The following ORAI2 variants were observed in gnomAD, a reference collection of about 807,000 sequenced individuals.
The protein encoded by ORAI2 is protein orai-2.
A neutral mutation model predicts 16.2 loss-of-function variants in ORAI2; 10 were observed. The ratio of observed to expected loss-of-function variants is 0.62; its 90% CI spans 0.38 to 1.04. ORAI2 has a LOEUF of 1.04. Ranked by LOEUF, ORAI2 falls within the 50% of genes least tolerant of loss-of-function variation. ORAI2 has a pLI of 0.01. For missense variants in ORAI2, 238 were observed against 355.5 expected (o/e 0.67, Z 2.66); for synonymous variants, 150 against 157.5 (o/e 0.95, Z 0.35).
intron 3 of ORAI2, among the ~76,000 whole-genome samples, chr7:102,441,290 C>G (rs1397354604): frequency 6.6e-6 from 1 of 150,838 alleles, no homozygotes; most frequent in African/African-American, 2.4e-5. Context: ...GCCTGTAATC[C>G]CAGCACTTTG....
intron 2 of ORAI2, among the ~76,000 whole-genome samples, chr7:102,436,579 T>A (rs946966520): frequency 6.6e-6 from 1 of 152,094 alleles, no homozygotes; most frequent in Non-Finnish European, 1.5e-5. Flanking sequence ...CACTCCCCAC[T>A]CCACCCGTCC....
chr7:102,440,190 A>AAAGTTTGGAACTCTCAGGGATCTC (rs1797158595), intron 3 of ORAI2, among the ~76,000 whole-genome samples: 2 of 152,316 alleles, frequency 1.3e-5, no homozygotes, highest in Non-Finnish European at 1.5e-5. Context: ...GCACCACCCA[A>AAAGTTTGGAACTCTCAGGGATCTC]AAGTTTGGAA....
At chr7:102,440,396 G>C (rs1797165787) in intron 3 of ORAI2, among the ~76,000 whole-genome samples, 1 of 152,228 alleles carries the variant, frequency 6.6e-6, no homozygotes, top group South Asian at 2.1e-4. Flanking sequence ...CTGCGGCTCT[G>C]ACAAGGGGCC....
rs1356713410 is a variant in ORAI2, at chr7:102,436,233, C to T, written c.-114C>T. ...TCTGAATTCTCCCCAAGGGAAGGAACGTCCCAGGGATGGAAGTGCTTGGAT... is the reference window on the plus strand; with the variant it reads ...TCTGAATTCTCCCCAAGGGAAGGAATGTCCCAGGGATGGAAGTGCTTGGAT... On this transcript the variant is annotated 5_prime_UTR_variant, in exon 2 of 4. It adds an upstream start codon to the 5' untranslated region. Coordinates refer to ENST00000495936, the MANE Select transcript of ORAI2 (RefSeq NM_001126340.3). 8.4e-6 allele frequency: 7 copies of T among 832,550 alleles called. No homozygotes were observed. Among genetic ancestry groups the T allele is most frequent in the African/African-American group, 1.8e-5 (1 of 54,230 alleles). 51.6% of individuals were successfully genotyped at this position (832,550 alleles called of 1,614,324 possible). A position where few individuals can be genotyped will look rare whatever the true frequency, so the allele number is the denominator to read the frequency against.
At chr7:102,446,435 TCTGC>T in intron 3 of ORAI2, 74 bp from the exon 4 acceptor site, 1 of 1,453,926 alleles carries the variant, frequency 6.9e-7, no homozygotes, top group South Asian at 1.3e-5. Context: ...CAGCCCCTGC[TCTGC>T]CTGGCAGGTG....
Position 102,447,058 on chromosome 7 carries a change from C to G in ORAI2, c.*6C>G. On this transcript the variant is annotated 3_prime_UTR_variant, in exon 4 of 4. Transcript: ENST00000495936. ...GCAGCCTGCAGGTCTTGTGAGGGGCCGAGGGCCGGGGCTGGGAGCGGCCCT... is the reference window on the plus strand; with the variant it reads ...GCAGCCTGCAGGTCTTGTGAGGGGCGGAGGGCCGGGGCTGGGAGCGGCCCT... 3 of 1,524,940 alleles carry G rather than the reference C, an allele frequency of 2.0e-6. No individual in the cohort carries two copies. Among genetic ancestry groups the G allele is most frequent in the Non-Finnish European group, 2.6e-6 (3 of 1,139,138 alleles). The allele number at this position is 1,524,940 out of a possible 1,614,324, so 94.5% of individuals were successfully genotyped here.
At position 102,454,792 on chromosome 7, in the gene ORAI2, T is replaced by C. The variant is rs774086685; in HGVS notation, c.*7740T>C. The stretch of plus-strand genomic sequence containing the variant: ...GGGCAGCCTGGTCTGCTGAGGAAAG[T>C]GTCTGATGGATGCGGAAATGGCCAC... On this transcript the variant is annotated 3_prime_UTR_variant, in exon 4 of 4. Transcript: ENST00000495936. 9 of 152,428 alleles carry C rather than the reference T, an allele frequency of 5.9e-5. No individual in the cohort carries two copies. The highest frequency in any genetic ancestry group is 8.8e-5 in the Non-Finnish European group (6 of 68,118). The allele number at this position is 152,428 out of a possible 1,614,324, so 9.4% of individuals were successfully genotyped here. A position where few individuals can be genotyped will look rare whatever the true frequency, so the allele number is the denominator to read the frequency against.
chr7:102,447,060 A>T lies in ORAI2; in HGVS notation c.*8A>T. On this transcript the variant is annotated 3_prime_UTR_variant, in exon 4 of 4. Transcript: ENST00000495936. ...AGCCTGCAGGTCTTGTGAGGGGCCG[A>T]GGGCCGGGGCTGGGAGCGGCCCTGT... The T allele has an allele frequency of 6.6e-7, 1 of 1,524,004 alleles. No individual in the cohort carries two copies. Among genetic ancestry groups the T allele is most frequent in the Non-Finnish European group, 8.8e-7 (1 of 1,138,758 alleles). 94.4% of individuals were successfully genotyped at this position (1,524,004 alleles called of 1,614,324 possible). A position where few individuals can be genotyped will look rare whatever the true frequency, so the allele number is the denominator to read the frequency against.
chr7:102,437,019 T>C (rs1245599009), intron 2 of ORAI2, among the ~76,000 whole-genome samples: 1 of 152,226 alleles, frequency 6.6e-6, no homozygotes, highest in Admixed American at 6.5e-5. Flanking sequence ...TCCTGGCGTG[T>C]GGCCGAGCAG....
In ORAI2 at chr7:102,453,692, C is replaced by T. The variant is rs1797581370; in HGVS notation, c.*6640C>T. ...TCAAGGGCAGGACACAAGTCACTGGCATTGAAGGACCCACTCCACACCCAG... is the reference window on the plus strand; with the variant it reads ...TCAAGGGCAGGACACAAGTCACTGGTATTGAAGGACCCACTCCACACCCAG... On this transcript the variant is annotated 3_prime_UTR_variant, in exon 4 of 4. Transcript: ENST00000495936. 1 of 152,184 alleles carries T rather than the reference C, an allele frequency of 6.6e-6. No individual in the cohort carries two copies. Among genetic ancestry groups the T allele is most frequent in the Admixed American group, 6.5e-5 (1 of 15,282 alleles). 9.4% of individuals were successfully genotyped at this position (152,184 alleles called of 1,614,324 possible). A position where few individuals can be genotyped will look rare whatever the true frequency, so the allele number is the denominator to read the frequency against.
intron 2 of ORAI2, among the ~76,000 whole-genome samples, chr7:102,438,022 C>T (rs1041253111): frequency 6.6e-6 from 1 of 152,102 alleles, no homozygotes; most frequent in Non-Finnish European, 1.5e-5. Flanking sequence ...GCACTCCAGC[C>T]TGGGCAACAG....
Position 102,443,769 on chromosome 7 carries a change from C to T in ORAI2, c.226-2744C>T, listed in dbSNP as rs150085477. Reference sequence around the variant, plus strand: ...TCTCCCAGGCTGGAGCACAATGGCACGATCTTGGCTCACTGCAACCTTTGC... The same window carrying T: ...TCTCCCAGGCTGGAGCACAATGGCATGATCTTGGCTCACTGCAACCTTTGC... On this transcript the variant is annotated intron_variant, in intron 3 of 3. Coordinates refer to ENST00000495936, the MANE Select transcript of ORAI2 (RefSeq NM_001126340.3). 2.6e-3 allele frequency among the ~76,000 whole-genome samples: 397 copies of T among 151,990 alleles called. 1 individual carries two copies. The highest frequency in any genetic ancestry group is 9.3e-3 in the African/African-American group (384 of 41,458).
chr7:102,440,080 G>A (rs973736771), intron 3 of ORAI2, among the ~76,000 whole-genome samples: 19 of 152,034 alleles, frequency 1.2e-4, no homozygotes, highest in African/African-American at 4.1e-4. Context: ...ACTTTGTCTC[G>A]AAATAAATAG....
At chr7:102,445,492 C>T (rs1034414077) in intron 3 of ORAI2, among the ~76,000 whole-genome samples, 26 of 152,096 alleles carry the variant, frequency 1.7e-4, no homozygotes, top group African/African-American at 6.0e-4. Context: ...CTCTGTCACC[C>T]GGGCTGAAGT....
chr7:102,451,323 T>G lies in ORAI2; in HGVS notation c.*4271T>G, dbSNP rs3823657. ...ACATGCCAAGGCCCCTCCCACGTGGTACACCCTCTCCGTTTAGTACCTGAC... is the reference window on the plus strand; with the variant it reads ...ACATGCCAAGGCCCCTCCCACGTGGGACACCCTCTCCGTTTAGTACCTGAC... On this transcript the variant is annotated 3_prime_UTR_variant, in exon 4 of 4. Coordinates refer to ENST00000495936, the MANE Select transcript of ORAI2 (RefSeq NM_001126340.3). 0.12 allele frequency: 18,861 copies of G among 151,928 alleles called. 2,037 individuals are homozygous for G. The highest frequency in any genetic ancestry group is 0.42 in the East Asian group (2,160 of 5,134). 9.4% of individuals were successfully genotyped at this position (151,928 alleles called of 1,614,324 possible). A position where few individuals can be genotyped will look rare whatever the true frequency, so the allele number is the denominator to read the frequency against.
intron 3 of ORAI2, among the ~76,000 whole-genome samples, chr7:102,442,470 C>A (rs189933486): frequency 6.6e-6 from 1 of 152,142 alleles, no homozygotes; most frequent in Admixed American, 6.6e-5. Context: ...GGGCAGATCA[C>A]GAGGTCAGGA....
At position 102,454,245 on chromosome 7, in the gene ORAI2, T is replaced by C. The variant is rs932728169; in HGVS notation, c.*7193T>C. On this transcript the variant is annotated 3_prime_UTR_variant, in exon 4 of 4. Coordinates refer to ENST00000495936, the MANE Select transcript of ORAI2 (RefSeq NM_001126340.3). ...CCCTGTCTCTACAAAAATACAAAAA[T>C]TACCCGGGCTTGGTGGCTCGTGCCT... 7 of 151,828 alleles carry C rather than the reference T, an allele frequency of 4.6e-5. No homozygotes were observed. Among genetic ancestry groups the C allele is most frequent in the African/African-American group, 1.7e-4 (7 of 41,360 alleles). The allele number at this position is 151,828 out of a possible 1,614,324, so 9.4% of individuals were successfully genotyped here. A position where few individuals can be genotyped will look rare whatever the true frequency, so the allele number is the denominator to read the frequency against.
At position 102,436,593 on chromosome 7, in the gene ORAI2, C is replaced by T. The variant is rs536631807; in HGVS notation, c.-14+260C>T. On this transcript the variant is annotated intron_variant, in intron 2 of 3. Transcript: ENST00000495936. ...GCACTCCCCACTCCACCCGTCCACC[C>T]CAGCCACGCTCCCTGGGACCTAGAA... Among the ~76,000 whole-genome samples the T allele has an allele frequency of 4.6e-5, 7 of 152,298 alleles. No individual in the cohort carries two copies. The South Asian group carries it at 1.5e-3, about 32-fold the overall frequency.
At chr7:102,445,070 C>T (rs1797306401) in intron 3 of ORAI2, among the ~76,000 whole-genome samples, 1 of 57,832 alleles carries the variant, frequency 1.7e-5, no homozygotes, top group Admixed American at 1.6e-4. Context: ...ATTTTGCTTC[C>T]TTAGCAGACC....
Sources: allele counts gnomAD v4.1 joint callset (sites outside exome capture counted in the v4.1 genomes callset), GRCh38; gene constraint gnomAD v4.1.1; transcripts MANE v1.5; gene names NCBI Gene and HGNC (gene_info 2026-07-23, HGNC 2026-07-21).